PEX16: variants seen among roughly 807,000 people sequenced by gnomAD.
PEX16 encodes the protein peroxisomal biogenesis factor 16.
In PEX16, 37 loss-of-function variants were observed where a neutral mutation model predicts 50.5. That is an observed-to-expected ratio of 0.73 (90% confidence interval 0.56 to 0.96). The LOEUF (loss-of-function observed/expected upper bound fraction) is 0.96, where lower values mean the gene tolerates loss of function less well. Among genes scored for constraint, PEX16 ranks in the 40% least tolerant of loss-of-function variants. The pLI, the probability that PEX16 is intolerant of heterozygous loss-of-function variation, is 0.00. For missense variants in PEX16, 401 were observed against 438.3 expected, an observed-to-expected ratio of 0.91 and a Z score of 0.76; for synonymous variants, 185 against 190.3, an observed-to-expected ratio of 0.97 and a Z score of 0.23.
intron 3 of PEX16, 36 bp from the exon 4 acceptor site, chr11:45,915,872 G>C: frequency 1.2e-6 from 2 of 1,606,602 alleles, no homozygotes; most frequent in Non-Finnish European, 1.7e-6. Context: ...CAGGGGGCCT[G>C]GGACTACAGG....
chr11:45,917,908 G>C (rs770546770), upstream of PEX16: 5 of 897,168 alleles, frequency 5.6e-6, no homozygotes, highest in Non-Finnish European at 8.8e-6. Context: ...TCTTAGGCCC[G>C]CCTCTTGGTT....
chr11:45,912,562 C>T (rs190822493), intron 9 of PEX16, among the ~76,000 whole-genome samples: 61 of 152,164 alleles, frequency 4.0e-4, no homozygotes, highest in African/African-American at 1.4e-3. Context: ...GGAGTGCAGT[C>T]GCGCGATCTC....
At chr11:45,917,433 C>T (rs1438635313) in intron 2 of PEX16, 25 bp downstream of exon 2, 3 of 1,611,600 alleles carry the variant, frequency 1.9e-6, no homozygotes, top group Non-Finnish European at 2.5e-6. Flanking sequence ...GATCCCCCAT[C>T]CCCCACCCCC....
chr11:45,914,679 C>G lies in PEX16; in HGVS notation c.466G>C (p.Asp156His), dbSNP rs759988037. ...TGCTCATGGTTGCCAGGGCTGTGGT[C>G]ACCATCTAGCAGGGATAGACAGAAG... ...RETQAQPPDG[D>H]HSPGNHEQSY... The change falls in exon 6 of 11, where the codon GAC (aspartate) becomes CAC (histidine). Residue 156 changes from aspartate to histidine, a missense_variant. Asp to His is a moderately conservative substitution (Grantham distance 81). Coordinates refer to ENST00000378750, the MANE Select transcript of PEX16 (RefSeq NM_004813.4). 6.2e-7 allele frequency: 1 copy of G among 1,613,804 alleles called. No homozygotes were observed. The highest frequency in any genetic ancestry group is 1.1e-5 in the South Asian group (1 of 91,070).
At chr11:45,913,338 G>C (rs72902484) in intron 9 of PEX16, among the ~76,000 whole-genome samples, 2 of 151,904 alleles carry the variant, frequency 1.3e-5, no homozygotes, top group African/African-American at 2.4e-5. Context: ...CTGGACCCTC[G>C]CAGGTGACTG....
chr11:45,914,445 A>G lies in PEX16; in HGVS notation c.565T>C (p.Trp189Arg). ...CCCTCCCGCTGCTGGGGAGCTCCCC[A>G]GTGCCTGGAGTGCAGGGACGGCGCT... ...QNTPSLHSRH[W>R]GAPQQREGRQ... Residue 189 changes from tryptophan to arginine, a missense_variant, in exon 7 of 11, where the codon TGG (tryptophan) becomes CGG (arginine). Trp to Arg is a moderately radical substitution (Grantham distance 101). Coordinates refer to ENST00000378750, the MANE Select transcript of PEX16 (RefSeq NM_004813.4). 6.2e-7 allele frequency: 1 copy of G among 1,608,298 alleles called. No homozygotes were observed. The highest frequency in any genetic ancestry group is 8.5e-7 in the Non-Finnish European group (1 of 1,179,916).
Position 45,913,901 on chromosome 11 carries a change from T to C in PEX16, c.805A>G (p.Arg269Gly), listed in dbSNP as rs1202074085. ...LLSDRKGLTR[R>G]ERRELRRRTI... ...CGGCGCCGCAGCTCCCGCCGCTCCC[T>C]CCGGGTCAGGCCCTTTCTGTCACTC... Residue 269 changes from arginine to glycine, a missense_variant, in exon 9 of 11, where the codon AGG (arginine) becomes GGG (glycine). Coordinates refer to ENST00000378750, the MANE Select transcript of PEX16 (RefSeq NM_004813.4). 1.2e-6 allele frequency: 2 copies of C among 1,613,342 alleles called. No individual in the cohort carries two copies. Among genetic ancestry groups the C allele is most frequent in the Admixed American group, 1.7e-5 (1 of 59,996 alleles).
At chr11:45,917,042 G>A (rs1441910425) in intron 2 of PEX16, 2 of 494,990 alleles carry the variant, frequency 4.0e-6, no homozygotes, top group East Asian at 5.8e-5. Context: ...ACACTCTTGA[G>A]GTAGTTACAA....
At chr11:45,914,528 C>T in intron 6 of PEX16, 60 bp from the exon 7 acceptor site, 1 of 1,611,634 alleles carries the variant, frequency 6.2e-7, no homozygotes. Context: ...GGGAAGGTGG[C>T]TGCTGACCAA....
In PEX16 at chr11:45,917,691, G is replaced by C. The variant is rs1275087272; in HGVS notation, c.112+9C>G. On this transcript the variant is annotated intron_variant, in intron 1 of 10. Coordinates refer to ENST00000378750, the MANE Select transcript of PEX16 (RefSeq NM_004813.4). The stretch of plus-strand genomic sequence containing the variant: ...CCCAGAAGGAACTGATCAAAGGTCA[G>C]GGTGGCACCTGCCAGCAGGTAACTG... 5.8e-6 allele frequency: 9 copies of C among 1,551,142 alleles called. No individual in the cohort carries two copies. Among genetic ancestry groups the C allele is most frequent in the Non-Finnish European group, 7.0e-6 (8 of 1,145,448 alleles).
chr11:45,915,921 C>T, intron 3 of PEX16, 85 bp from the exon 4 acceptor site: 1 of 1,320,198 alleles, frequency 7.6e-7, no homozygotes, highest in Non-Finnish European at 1.1e-6. Context: ...GCTTCTCTGA[C>T]AAGAGATGTG....
upstream of PEX16, chr11:45,918,716 C>T (rs1366648769): frequency 6.6e-6 from 1 of 152,300 alleles, no homozygotes; most frequent in Non-Finnish European, 1.5e-5. Context: ...GGACGCACCT[C>T]GCAGTCCTCA....
chr11:45,912,498 A>G (rs927225064), intron 9 of PEX16, among the ~76,000 whole-genome samples: 1 of 151,992 alleles, frequency 6.6e-6, no homozygotes, highest in African/African-American at 2.4e-5. Flanking sequence ...GCCAGACTCC[A>G]TCTCAAAAAC....
intron 2 of PEX16, chr11:45,916,952 G>A: frequency 4.4e-6 from 2 of 455,368 alleles, no homozygotes; most frequent in Non-Finnish European, 8.8e-6. Flanking sequence ...TTACAAGTGT[G>A]AGCCACTGCA....
At chr11:45,914,497 G>A in intron 6 of PEX16, 29 bp from the exon 7 acceptor site, 1 of 1,609,252 alleles carries the variant, frequency 6.2e-7, no homozygotes, top group East Asian at 2.2e-5. Context: ...AGATGAGCGA[G>A]CCAGGCCCAG....
chr11:45,916,176 T>C (rs368316232), intron 3 of PEX16, 51 bp downstream of exon 3: 10 of 1,352,366 alleles, frequency 7.4e-6, no homozygotes, highest in Non-Finnish European at 1.1e-5. Flanking sequence ...CTGCTACTAT[T>C]TCATTCCTGA....
At chr11:45,916,895 C>G in intron 2 of PEX16, 1 of 409,636 alleles carries the variant, frequency 2.4e-6, no homozygotes, top group South Asian at 1.8e-5. Context: ...GTCTCGAACT[C>G]CTGACCTCAC....
At chr11:45,916,070 C>T (rs912179812) in intron 3 of PEX16, among the ~76,000 whole-genome samples, 157 bp downstream of exon 3, 1 of 152,022 alleles carries the variant, frequency 6.6e-6, no homozygotes, top group African/African-American at 2.4e-5. Flanking sequence ...TGGGAATACT[C>T]ACACTTTACA....
chr11:45,917,203 T>C, intron 2 of PEX16: 1 of 696,874 alleles, frequency 1.4e-6, no homozygotes, highest in Admixed American at 2.0e-5. Context: ...GATTAACAAG[T>C]AAAGGTAAGA....
Sources: allele counts gnomAD v4.1 joint callset (sites outside exome capture counted in the v4.1 genomes callset), GRCh38; gene constraint gnomAD v4.1.1; transcripts MANE v1.5; gene names NCBI Gene and HGNC (gene_info 2026-07-23, HGNC 2026-07-21).